The following TPR variants were observed in gnomAD, a reference collection of about 807,000 sequenced individuals.
The protein encoded by TPR is nucleoprotein TPR.
In TPR, 51 loss-of-function variants were observed where a neutral mutation model predicts 316.1. The ratio of observed to expected loss-of-function variants is 0.16; its 90% CI spans 0.13 to 0.20. The LOEUF is 0.20. Among genes scored for constraint, TPR ranks in the 10% least tolerant of loss-of-function variants. TPR has a pLI of 1.00. For missense variants in TPR, 2,272 were observed against 2,754.8 expected, an observed-to-expected ratio of 0.82 and a Z score of 3.92; for synonymous variants, 981 against 914.7, an observed-to-expected ratio of 1.07 and a Z score of -1.31.
In TPR at chr1:186,320,373, A is replaced by C. The variant is rs776038540; in HGVS notation, c.6507T>G (p.Pro2169=). 1.4e-5 allele frequency: 22 copies of C among 1,613,100 alleles called. No individual in the cohort carries two copies. In the Admixed American group the frequency reaches 3.0e-4, roughly 22 times the overall value. ...TAGAACTTGTTTGTGGCATATCTTC[A>C]GGTGGCCCAAACCGGAATCTAGGGA... is the stretch of plus-strand genomic sequence containing the variant. The part of the protein sequence containing the change: ...AGVPRFRFGP[P]EDMPQTSSSH... The change falls in exon 46 of 51, where the codon CCT becomes CCG. Residue 2169 remains proline, a synonymous_variant. Transcript: ENST00000367478.
chr1:186,341,766 C>CTTT (rs200040109), intron 27 of TPR: 1 of 161,662 alleles, frequency 6.2e-6, no homozygotes, highest in African/African-American at 2.4e-5. Flanking sequence ...AGAAATCTCT[C>CTTT]ATTTTGATCC....
chr1:186,339,033 G>A (rs1037004511), intron 30 of TPR, among the ~76,000 whole-genome samples: 1 of 152,104 alleles, frequency 6.6e-6, no homozygotes, highest in African/African-American at 2.4e-5. Context: ...TTACACTAAA[G>A]CTTACAAAAG....
chr1:186,339,294 TA>T (rs1658433737), intron 30 of TPR, among the ~76,000 whole-genome samples: 1 of 151,062 alleles, frequency 6.6e-6, no homozygotes, highest in South Asian at 2.1e-4. Flanking sequence ...GCCAAAGTAA[TA>T]AAACCCACTT....
chr1:186,320,446 G>T (rs769104341), intron 45 of TPR, 28 bp from the exon 46 acceptor site: 22 of 1,571,628 alleles, frequency 1.4e-5, no homozygotes, highest in Non-Finnish European at 1.8e-5. Flanking sequence ...AATTTAAGAT[G>T]AAATTTAAAG....
chr1:186,346,118 AC>A lies in TPR; in HGVS notation c.3096+16del. Reference sequence around the variant, plus strand: ...CTTACAAGTTAAAAAAAAAATTAATACGGTTAACCTATTTACCTGTTGTTCC... The same window carrying A: ...CTTACAAGTTAAAAAAAAAATTAATAGGTTAACCTATTTACCTGTTGTTCC... On this transcript the variant is annotated intron_variant, in intron 23 of 50. Coordinates refer to ENST00000367478, the MANE Select transcript of TPR (RefSeq NM_003292.3). 1 of 1,563,178 alleles carries A rather than the reference AC, an allele frequency of 6.4e-7. No individual in the cohort carries two copies. The highest frequency in any genetic ancestry group is 1.4e-5 in the African/African-American group (1 of 72,592).
rs550966990 is a variant in TPR at position 186,369,968 on chromosome 1, T to C, written c.330+1002A>G. Among the ~76,000 whole-genome samples the C allele has an allele frequency of 4.6e-5, 7 of 152,240 alleles. No individual in the cohort carries two copies. In the East Asian group the frequency reaches 1.2e-3, roughly 25 times the overall value. On this transcript the variant is annotated intron_variant, in intron 3 of 50. Coordinates refer to ENST00000367478, the MANE Select transcript of TPR (RefSeq NM_003292.3). The stretch of plus-strand genomic sequence containing the variant: ...ATTTTCCTCGGTTACAGATCCATAG[T>C]TTTTACAAGATTTATAAAGATTTTG...
Position 186,312,378 on chromosome 1 carries a change from A to G in TPR, c.*1593T>C. 6.2e-7 allele frequency: 1 copy of G among 1,601,118 alleles called. No homozygotes were observed. The highest frequency in any genetic ancestry group is 8.5e-7 in the Non-Finnish European group (1 of 1,174,850). On this transcript the variant is annotated 3_prime_UTR_variant, in exon 51 of 51. Transcript: ENST00000367478. ...ACTGGCTTATCAAGACAAAGGTAAC[A>G]TTTTTATTGTGTTAAAAAAATCCTT...
At position 186,360,817 on chromosome 1, in the gene TPR, C is replaced by A. The variant is rs1207630975; in HGVS notation, c.1047G>T (p.Leu349Phe). The A allele has an allele frequency of 6.2e-7, 1 of 1,612,896 alleles. No individual in the cohort carries two copies. The highest frequency in any genetic ancestry group is 8.5e-7 in the Non-Finnish European group (1 of 1,179,262). Reference protein sequence around the residue: ...EKEMLEKIGRLEKELENANDL... With the variant: ...EKEMLEKIGRFEKELENANDL... The stretch of plus-strand genomic sequence containing the variant: ...CATTTGCATTCTCTAATTCCTTCTC[C>A]AATCTCCCTATTTTCTCAAGCATTT... Residue 349 changes from leucine (L) to phenylalanine (F), a missense_variant, in exon 10 of 51, where the codon TTG (leucine) becomes TTT (phenylalanine). Physicochemically the swap from Leu to Phe is conservative, Grantham distance 22. Around this residue, in one of 10 missense-constraint regions of TPR, gnomAD observed 549 missense variants for 598.6 expected, o/e 0.92. Transcript: ENST00000367478.
intron 27 of TPR, 143 bp from the exon 28 acceptor site, chr1:186,341,532 G>C: frequency 3.4e-6 from 3 of 873,020 alleles, no homozygotes; most frequent in Non-Finnish European, 5.0e-6. Context: ...GAAAGTTCAC[G>C]TTTACTTTTC....
Position 186,339,694 on chromosome 1 carries a change from G to T in TPR, c.4099C>A (p.Arg1367Ser). 4 of 1,599,126 alleles carry T rather than the reference G, an allele frequency of 2.5e-6. No individual in the cohort carries two copies. Among genetic ancestry groups the T allele is most frequent in the Non-Finnish European group, 3.4e-6 (4 of 1,172,394 alleles). The change falls in exon 30 of 51, where the codon CGT becomes AGT. Residue 1367 changes from arginine (R) to serine (S), a missense_variant. Around this residue, in one of 10 missense-constraint regions of TPR, gnomAD observed 96 missense variants for 134.6 expected, o/e 0.71. Transcript: ENST00000367478. ...ATTTCTTCTGTCAATTGTTGAATAC[G>T]CTTAGTATGAACTTCCTTTTCAGAA... ...LLSEKEVHTK[R>S]IQQLTEEIGR...
rs186619867 is a variant in TPR at position 186,365,412 on chromosome 1, A to C, written c.428-1967T>G. Among the ~76,000 whole-genome samples, 10 of 152,236 alleles carry C rather than the reference A, an allele frequency of 6.6e-5. No homozygotes were observed. In the East Asian group the frequency reaches 1.9e-3, roughly 29 times the overall value. ...TACCTGGCCAAGGGGCTGCCTTTAA[A>C]GTTCTTTTGACTTTAGACACTGTCC... On this transcript the variant is annotated intron_variant, in intron 4 of 50. Coordinates refer to ENST00000367478, the MANE Select transcript of TPR (RefSeq NM_003292.3).
intron 49 of TPR, 88 bp downstream of exon 49, chr1:186,317,394 G>A (rs762793741): frequency 3.3e-5 from 33 of 1,008,650 alleles, no homozygotes; most frequent in Admixed American, 2.0e-4. Flanking sequence ...AGGAAAAAAG[G>A]ATTATTAATT....
At chr1:186,349,166 TAC>T (rs779704912) in intron 21 of TPR, among the ~76,000 whole-genome samples, 1 of 152,204 alleles carries the variant, frequency 6.6e-6, no homozygotes, top group African/African-American at 2.4e-5. Flanking sequence ...TACATTAGCC[TAC>T]AGTTGGGAAA....
At position 186,336,578 on chromosome 1, in the gene TPR, C is replaced by T. The variant is rs1478868414; in HGVS notation, c.4623G>A (p.Gln1541=). The change falls in exon 33 of 51, where the codon CAG becomes CAA. Residue 1541 remains glutamine, a synonymous_variant. Transcript: ENST00000367478. ...CCTTTTCAGTTATCTGTTGTCGGAG[C>T]TGCTCCTCCTGTGTGGTTCTATCTT... The part of the protein sequence containing the change: ...DLQDRTTQEE[Q]LRQQITEKEE... 6.2e-7 allele frequency: 1 copy of T among 1,613,916 alleles called. No homozygotes were observed. Among genetic ancestry groups the T allele is most frequent in the African/African-American group, 1.3e-5 (1 of 75,016 alleles).
Position 186,336,615 on chromosome 1 carries a change from C to A in TPR, c.4586G>T (p.Arg1529Leu), listed in dbSNP as rs35917803. The A allele has an allele frequency of 1.5e-3, 2,495 of 1,613,864 alleles. 6 individuals are homozygous for A. The highest frequency in any genetic ancestry group is 4.0e-3 in the Middle Eastern group (24 of 6,062). The part of the protein sequence containing the change: ...VQLQSELSRL[R>L]QDLQDRTTQE... Reference sequence around the variant, plus strand: ...TGTGGTTCTATCTTGAAGATCCTGACGAAGTCGTGAAAGTTCAGACTGAAG... The same window carrying A: ...TGTGGTTCTATCTTGAAGATCCTGAAGAAGTCGTGAAAGTTCAGACTGAAG... Residue 1529 changes from arginine to leucine, a missense_variant, in exon 33 of 51, where the codon CGT becomes CTT. Around this residue, in one of 10 missense-constraint regions of TPR, gnomAD observed 101 missense variants for 113.0 expected, o/e 0.89. Coordinates refer to ENST00000367478, the MANE Select transcript of TPR (RefSeq NM_003292.3).
rs749892673 is a variant in TPR at position 186,313,740 on chromosome 1, G to A, written c.*231C>T. On this transcript the variant is annotated 3_prime_UTR_variant, in exon 51 of 51. Coordinates refer to ENST00000367478, the MANE Select transcript of TPR (RefSeq NM_003292.3). ...AGCAAGAGCAATTACTACTCGTTCT[G>A]GGCAGACCTTATCCAAAGTCTGGTA... 1 of 1,609,664 alleles carries A rather than the reference G, an allele frequency of 6.2e-7. No individual in the cohort carries two copies. Among genetic ancestry groups the A allele is most frequent in the East Asian group, 2.2e-5 (1 of 44,756 alleles).
intron 35 of TPR, 72 bp from the exon 36 acceptor site, chr1:186,334,605 T>C: frequency 6.2e-6 from 9 of 1,449,312 alleles, no homozygotes; most frequent in Non-Finnish European, 6.5e-6. Context: ...ACACAGTGAG[T>C]ATAGGTCTCC....
At chr1:186,335,683 T>C in intron 33 of TPR, 140 bp from the exon 34 acceptor site, 3 of 538,236 alleles carry the variant, frequency 5.6e-6, no homozygotes, top group Non-Finnish European at 9.3e-6. Flanking sequence ...TACATCTCAA[T>C]GAGCAAAGTT....
At chr1:186,321,301 T>C (rs1657769008) in intron 45 of TPR, among the ~76,000 whole-genome samples, 1 of 152,188 alleles carries the variant, frequency 6.6e-6, no homozygotes, top group South Asian at 2.1e-4. Flanking sequence ...TTTCCCCAAG[T>C]TTGTAGAAAT....
Sources: gnomAD v4.1 joint callset for allele counts (sites outside exome capture counted in the v4.1 genomes callset) on GRCh38, gnomAD v4.1.1 for gene constraint, gnomAD v4.1.1 regional missense constraint, MANE v1.5 for transcripts, NCBI Gene and HGNC (gene_info 2026-07-23, HGNC 2026-07-21) for gene names.